The following TLE4 variants were observed in gnomAD, a reference collection of about 807,000 sequenced individuals.
The protein encoded by TLE4 is TLE family member 4, transcriptional corepressor, also known as transducin-like enhancer protein 4.
TLE4 carries 8 observed loss-of-function variants against 92.8 expected under a neutral mutation model. The observed-to-expected ratio is 0.09, with a 90% CI of 0.05 to 0.16. TLE4 has a LOEUF of 0.16. Among genes scored for constraint, TLE4 ranks in the 10% least tolerant of loss-of-function variants. The probability of loss-of-function intolerance (pLI) is 1.00; values close to 1 mark genes in which losing one functional copy is unlikely to be tolerated. For synonymous variants in TLE4, 371 were observed against 374.1 expected (o/e 0.99, Z 0.10); for missense variants, 675 against 997.6 (o/e 0.68, Z 4.36).
chr9:79,636,062 T>C (rs995418176), intron 6 of TLE4, among the ~76,000 whole-genome samples: 4 of 152,130 alleles, frequency 2.6e-5, no homozygotes, highest in Non-Finnish European at 5.9e-5. Flanking sequence ...TAGGCTACCA[T>C]GTTTCCGCAT....
chr9:79,596,583 C>T (rs1234145399), intron 4 of TLE4, among the ~76,000 whole-genome samples: 1 of 152,086 alleles, frequency 6.6e-6, no homozygotes, highest in Non-Finnish European at 1.5e-5. Context: ...TCCTTGCAGC[C>T]CTTCCCCTGT....
At chr9:79,591,194 T>C (rs184346690) in intron 4 of TLE4, among the ~76,000 whole-genome samples, 2 of 152,262 alleles carry the variant, frequency 1.3e-5, no homozygotes, top group East Asian at 3.9e-4. Flanking sequence ...AGTTGTGACA[T>C]AGGTGGAAGA....
At chr9:79,659,765 C>T (rs111253078) in intron 8 of TLE4, among the ~76,000 whole-genome samples, 179 of 152,100 alleles carry the variant, frequency 1.2e-3, no homozygotes, top group African/African-American at 3.8e-3. Flanking sequence ...ATCAGGGATA[C>T]CACCTAATAA....
At chr9:79,715,190 T>A (rs1325185956) in intron 14 of TLE4, among the ~76,000 whole-genome samples, 1 of 152,202 alleles carries the variant, frequency 6.6e-6, no homozygotes. Context: ...GAAATCTCAG[T>A]GCTCTTTAAT....
At chr9:79,573,899 A>ATT in intron 2 of TLE4, 113 bp downstream of exon 2, 2 of 687,438 alleles carry the variant, frequency 2.9e-6, no homozygotes, top group South Asian at 4.5e-5. Context: ...CAAAGGTATT[A>ATT]TTTTTTTTTC....
chr9:79,678,119 A>G (rs7860668), intron 8 of TLE4, among the ~76,000 whole-genome samples: 26,146 of 152,070 alleles, frequency 0.17, 2,583 homozygotes, highest in African/African-American at 0.26. Flanking sequence ...CTATAAATAT[A>G]TTAAATGAGG....
At chr9:79,716,228 C>T (rs969592710) in intron 14 of TLE4, among the ~76,000 whole-genome samples, 1 of 152,192 alleles carries the variant, frequency 6.6e-6, no homozygotes. Flanking sequence ...GCACTCTGGC[C>T]TCCTTGCTTC....
intron 14 of TLE4, among the ~76,000 whole-genome samples, chr9:79,717,273 C>G (rs2074691073): frequency 6.6e-6 from 1 of 152,180 alleles, no homozygotes; most frequent in South Asian, 2.1e-4. Flanking sequence ...TTCCTGTCAT[C>G]TTTACTAGGT....
intron 4 of TLE4, among the ~76,000 whole-genome samples, chr9:79,589,215 T>C (rs1377933146): frequency 1.3e-5 from 2 of 152,212 alleles, no homozygotes; most frequent in Non-Finnish European, 2.9e-5. Flanking sequence ...GTTTGGGGCA[T>C]AATGACCTCT....
At chr9:79,683,674 T>C (rs2065205986) in intron 8 of TLE4, among the ~76,000 whole-genome samples, 2 of 152,248 alleles carry the variant, frequency 1.3e-5, no homozygotes, top group Admixed American at 6.5e-5. Context: ...CTCACTGATC[T>C]TGAAATATTC....
At chr9:79,610,194 G>A (rs1044519763) in intron 4 of TLE4, among the ~76,000 whole-genome samples, 9 of 152,192 alleles carry the variant, frequency 5.9e-5, no homozygotes, top group African/African-American at 2.2e-4. Context: ...GGGCTGTAAT[G>A]CATCATTTTA....
intron 6 of TLE4, among the ~76,000 whole-genome samples, chr9:79,645,554 A>T (rs2057969240): frequency 6.6e-6 from 1 of 152,186 alleles, no homozygotes; most frequent in Admixed American, 6.5e-5. Context: ...ATTTCAAAAG[A>T]CATTTCTTGT....
chr9:79,579,108 C>T (rs188640151), intron 4 of TLE4, among the ~76,000 whole-genome samples: 17 of 152,300 alleles, frequency 1.1e-4, no homozygotes, highest in Non-Finnish European at 1.9e-4. Flanking sequence ...AATGAAAGAA[C>T]ATAGGCCCTT....
chr9:79,706,785 C>A lies in TLE4; in HGVS notation c.822C>A (p.Pro274=). ...SSPRGSPAHS[P]RENGLDKTRL... is the part of the protein sequence containing the mutation. ...CTCGAGGGAGCCCAGCACATTCCCC[C>A]AGAGAGAATGGCCTAGACAAGACAC... The change falls in exon 11 of 20, where the codon CCC becomes CCA. Residue 274 remains proline, a synonymous_variant. Coordinates refer to ENST00000376552, the MANE Select transcript of TLE4 (RefSeq NM_007005.6). 1.2e-6 allele frequency: 2 copies of A among 1,614,122 alleles called. No individual in the cohort carries two copies. The highest frequency in any genetic ancestry group is 1.7e-6 in the Non-Finnish European group (2 of 1,180,008).
At chr9:79,624,285 T>A (rs2133429608) in intron 5 of TLE4, among the ~76,000 whole-genome samples, 1 of 152,164 alleles carries the variant, frequency 6.6e-6, no homozygotes, top group East Asian at 1.9e-4. Flanking sequence ...TTCTTCCTGT[T>A]TGGGTTTTAA....
chr9:79,722,022 G>T, intron 17 of TLE4, 134 bp downstream of exon 17: 2 of 1,313,034 alleles, frequency 1.5e-6, no homozygotes, highest in Non-Finnish European at 2.0e-6. Context: ...AAAATTAGCT[G>T]GGCATGGTGG....
At chr9:79,693,851 G>T (rs933560753) in intron 8 of TLE4, among the ~76,000 whole-genome samples, 2 of 152,154 alleles carry the variant, frequency 1.3e-5, no homozygotes, top group Non-Finnish European at 2.9e-5. Flanking sequence ...TCATTTCTCT[G>T]TGTGGTGAGT....
At chr9:79,612,464 T>C (rs1168882331) in intron 4 of TLE4, among the ~76,000 whole-genome samples, 192 bp from the exon 5 acceptor site, 1 of 152,152 alleles carries the variant, frequency 6.6e-6, no homozygotes, top group Non-Finnish European at 1.5e-5. Flanking sequence ...GTTAATAAAT[T>C]GTGCTGTTAA....
intron 14 of TLE4, 130 bp from the exon 15 acceptor site, chr9:79,718,591 TG>T: frequency 7.5e-7 from 1 of 1,332,164 alleles, no homozygotes; most frequent in Non-Finnish European, 1.0e-6. Flanking sequence ...TTACACTGTA[TG>T]GACAAATTCG....
Sources: allele counts gnomAD v4.1 joint callset (sites outside exome capture counted in the v4.1 genomes callset), GRCh38; gene constraint gnomAD v4.1.1; transcripts MANE v1.5; gene names NCBI Gene and HGNC (gene_info 2026-07-23, HGNC 2026-07-21).